The following FBXO11 variants were observed in gnomAD, a reference collection of about 807,000 sequenced individuals.
The protein encoded by FBXO11 is F-box protein 11.
Under a neutral mutation model 117.0 loss-of-function variants are expected in FBXO11, and 13 were observed. That is an observed-to-expected ratio of 0.11 (90% CI 0.07 to 0.18). FBXO11 has a LOEUF of 0.18. Ranked by LOEUF, FBXO11 falls within the 10% of genes least tolerant of loss-of-function variation. The pLI, the probability that FBXO11 is intolerant of heterozygous loss-of-function variation, is 1.00. For missense variants in FBXO11, 767 were observed against 1,164.4 expected, an observed-to-expected ratio of 0.66 and a Z score of 4.97; for synonymous variants, 490 against 380.5, an observed-to-expected ratio of 1.29 and a Z score of -3.35.
At chr2:47,904,798 A>G (rs375290597) in intron 1 of FBXO11, among the ~76,000 whole-genome samples, 1 of 151,936 alleles carries the variant, frequency 6.6e-6, no homozygotes, top group African/African-American at 2.4e-5. Context: ...GATGGATTCT[A>G]TATTTATTTA....
rs117465021 is a variant in FBXO11, at chr2:47,833,418, T to G, written c.935-348A>C. Reference sequence around the variant, plus strand: ...GAAGAGAAGAGACCTCTATTTAAATTTATTTCCAACAGTGGCCTCGATTTA... The same window carrying G: ...GAAGAGAAGAGACCTCTATTTAAATGTATTTCCAACAGTGGCCTCGATTTA... On this transcript the variant is annotated intron_variant, in intron 7 of 22. Transcript: ENST00000403359. 5.5e-4 allele frequency among the ~76,000 whole-genome samples: 83 copies of G among 152,256 alleles called. No individual in the cohort carries two copies. The East Asian group carries it at 0.016, about 29-fold the overall frequency.
chr2:47,852,282 G>A (rs1673932686), intron 1 of FBXO11, among the ~76,000 whole-genome samples: 3 of 152,124 alleles, frequency 2.0e-5, no homozygotes, highest in Non-Finnish European at 4.4e-5. Context: ...GAGCCACTGC[G>A]TCTGGCCAGC....
intron 1 of FBXO11, among the ~76,000 whole-genome samples, chr2:47,848,963 G>T (rs1174530215): frequency 1.3e-5 from 2 of 152,214 alleles, no homozygotes; most frequent in Non-Finnish European, 1.5e-5. Context: ...ATTGACAGAA[G>T]TTTTTTTCCC....
At chr2:47,811,813 GCCTAGGCTGGTT>G (rs1558403122) in intron 18 of FBXO11, among the ~76,000 whole-genome samples, 2 of 152,004 alleles carry the variant, frequency 1.3e-5, no homozygotes, top group East Asian at 3.8e-4. Flanking sequence ...TTACTACATT[GCCTAGGCTGGTT>G]TCCAACTCCA....
At chr2:47,862,709 A>C (rs766485486) in intron 1 of FBXO11, among the ~76,000 whole-genome samples, 1 of 152,182 alleles carries the variant, frequency 6.6e-6, no homozygotes, top group African/African-American at 2.4e-5. Flanking sequence ...AATGCTGTAT[A>C]ATAACTATAA....
rs758096973 is a variant in FBXO11 at position 47,882,633 on chromosome 2, CCTT to C, written c.232+22853_232+22855del. 2.6e-5 allele frequency among the ~76,000 whole-genome samples: 4 copies of C among 152,036 alleles called. No individual in the cohort carries two copies. The East Asian group carries it at 7.7e-4, about 29-fold the overall frequency. On this transcript the variant is annotated intron_variant, in intron 1 of 22. Transcript: ENST00000403359. ...TTGGGGCTAGTCTGCTTCTTGTGCT[CCTT>C]CTTATTTCATCTGTATTTCTGTACT...
At chr2:47,815,961 G>C (rs1572770282) in intron 16 of FBXO11, among the ~76,000 whole-genome samples, 1 of 152,186 alleles carries the variant, frequency 6.6e-6, no homozygotes, top group East Asian at 1.9e-4. Flanking sequence ...GGCCTCATGG[G>C]AACACAGGTG....
chr2:47,854,639 TA>T (rs1471530468), intron 1 of FBXO11, among the ~76,000 whole-genome samples: 2 of 152,100 alleles, frequency 1.3e-5, no homozygotes, highest in Non-Finnish European at 1.5e-5. Context: ...AAGCATAAAT[TA>T]ATTAGAATTA....
chr2:47,810,008 G>A, intron 19 of FBXO11: 2 of 483,862 alleles, frequency 4.1e-6, no homozygotes, highest in South Asian at 3.3e-5. Flanking sequence ...GATTTAAACT[G>A]GTAAATTCAT....
At chr2:47,826,085 G>A (rs186257051) in intron 11 of FBXO11, among the ~76,000 whole-genome samples, 6 of 152,230 alleles carry the variant, frequency 3.9e-5, no homozygotes, top group Non-Finnish European at 8.8e-5. Context: ...TTGAGACGGA[G>A]TCTCACTTTG....
At chr2:47,853,700 T>C (rs141050878) in intron 1 of FBXO11, among the ~76,000 whole-genome samples, 558 of 152,334 alleles carry the variant, frequency 3.7e-3, no homozygotes, top group South Asian at 8.1e-3. Context: ...ATAAAATTAC[T>C]GTGAAGATTA....
At chr2:47,850,414 C>T (rs1241653445) in intron 1 of FBXO11, among the ~76,000 whole-genome samples, 1 of 152,084 alleles carries the variant, frequency 6.6e-6, no homozygotes, top group East Asian at 1.9e-4. Flanking sequence ...AATTTTGTCA[C>T]TCAGAAAATA....
chr2:47,818,534 C>A, intron 16 of FBXO11: 1 of 376,384 alleles, frequency 2.7e-6, no homozygotes, highest in South Asian at 8.1e-5. Flanking sequence ...GCTGATGTGA[C>A]TCTCATAGTG....
rs899561165 is a variant in FBXO11, at chr2:47,821,066, C to T, written c.1703-610G>A. On this transcript the variant is annotated intron_variant, in intron 13 of 22. Coordinates refer to ENST00000403359, the MANE Select transcript of FBXO11 (RefSeq NM_001190274.2). Reference sequence around the variant, plus strand: ...ACAGAAACAATTAACTATTAAAAAACAGAGTGAAACTATGGAAACTGCAGA... The same window carrying T: ...ACAGAAACAATTAACTATTAAAAAATAGAGTGAAACTATGGAAACTGCAGA... Among the ~76,000 whole-genome samples, 4 of 152,208 alleles carry T rather than the reference C, an allele frequency of 2.6e-5. No individual in the cohort carries two copies. In the South Asian group the frequency reaches 6.2e-4, roughly 24 times the overall value.
At chr2:47,819,837 C>T (rs1671255368) in intron 14 of FBXO11, among the ~76,000 whole-genome samples, 1 of 152,134 alleles carries the variant, frequency 6.6e-6, no homozygotes, top group South Asian at 2.1e-4. Context: ...AAAGTAATGC[C>T]TTGCATAAGG....
chr2:47,839,684 A>T lies in FBXO11; in HGVS notation c.318T>A (p.Leu106=). ...NSPYQLRRKT[L]LPKRTACPTK... ...TGGGACACGCTGTTCTTTTCGGCAA[A>T]AGAGTTTTTCTACGAAGTTGGTATG... The change falls in exon 2 of 23, where the codon CTT becomes CTA. Residue 106 remains leucine, a synonymous_variant. Coordinates refer to ENST00000403359, the MANE Select transcript of FBXO11 (RefSeq NM_001190274.2). The T allele has an allele frequency of 6.2e-7, 1 of 1,614,140 alleles. No homozygotes were observed. Among genetic ancestry groups the T allele is most frequent in the African/African-American group, 1.3e-5 (1 of 75,052 alleles).
At chr2:47,870,163 T>C (rs912314017) in intron 1 of FBXO11, among the ~76,000 whole-genome samples, 1 of 152,242 alleles carries the variant, frequency 6.6e-6, no homozygotes, top group Non-Finnish European at 1.5e-5. Context: ...TCTCTCTCCC[T>C]ATGAATATAG....
At chr2:47,879,447 T>C (rs1676274592) in intron 1 of FBXO11, among the ~76,000 whole-genome samples, 1 of 152,230 alleles carries the variant, frequency 6.6e-6, no homozygotes, top group Admixed American at 6.5e-5. Context: ...ACTTTTGTTT[T>C]TGCCTAATAA....
At chr2:47,818,624 A>G (rs1271589845) in intron 16 of FBXO11, 155 bp downstream of exon 16, 3 of 631,618 alleles carry the variant, frequency 4.7e-6, no homozygotes, top group East Asian at 5.5e-5. Context: ...GGAAAGCTAC[A>G]TTCTGACAAT....
Sources: allele counts gnomAD v4.1 joint callset (sites outside exome capture counted in the v4.1 genomes callset), GRCh38; gene constraint gnomAD v4.1.1; transcripts MANE v1.5; gene names NCBI Gene and HGNC (gene_info 2026-07-23, HGNC 2026-07-21).